Variants in LRBA observed in about 807,000 individuals in gnomAD.
LRBA encodes the protein lipopolysaccharide-responsive and beige-like anchor protein.
A neutral mutation model predicts 330.0 loss-of-function variants in LRBA; 176 were observed. The ratio of observed to expected loss-of-function variants is 0.53; its 90% CI spans 0.47 to 0.60. The LOEUF is 0.60. LRBA is among the 20% of genes least tolerant of loss of function. LRBA has a pLI of 0.00. For missense variants in LRBA, 3,259 were observed against 3,444.8 expected (o/e 0.95, Z 1.35); for synonymous variants, 1,230 against 1,193.0 (o/e 1.03, Z -0.64).
chr4:150,516,778 T>C (rs1181998170), intron 40 of LRBA, among the ~76,000 whole-genome samples: 1 of 152,178 alleles, frequency 6.6e-6, no homozygotes, highest in Non-Finnish European at 1.5e-5. Context: ...GGTAGAAGCA[T>C]GAAATGTAAA....
At chr4:150,767,593 A>T (rs554662255) in intron 34 of LRBA, among the ~76,000 whole-genome samples, 118 of 151,636 alleles carry the variant, frequency 7.8e-4, no homozygotes, top group Non-Finnish European at 1.4e-3. Flanking sequence ...TCCCATCTCT[A>T]CTAAAAATAC....
chr4:150,310,040 A>G (rs1186050662), intron 52 of LRBA, among the ~76,000 whole-genome samples, 189 bp downstream of exon 52: 1 of 152,170 alleles, frequency 6.6e-6, no homozygotes, highest in Non-Finnish European at 1.5e-5. Context: ...AACATGCTGT[A>G]GCAAATTTAA....
chr4:150,648,101 G>A (rs1779332068), intron 37 of LRBA, among the ~76,000 whole-genome samples: 3 of 133,348 alleles, frequency 2.2e-5, no homozygotes, highest in Non-Finnish European at 4.7e-5. Flanking sequence ...CAACATTTAT[G>A]AGCTAGGAGA....
chr4:150,325,661 C>T (rs748795446), intron 49 of LRBA, 148 bp downstream of exon 49: 31 of 617,930 alleles, frequency 5.0e-5, no homozygotes, highest in Non-Finnish European at 6.7e-5. Context: ...GCAATAACAT[C>T]TGCTGGTTGT....
chr4:150,739,710 T>G (rs1460571464), intron 35 of LRBA, among the ~76,000 whole-genome samples: 1 of 152,196 alleles, frequency 6.6e-6, no homozygotes, highest in East Asian at 1.9e-4. Context: ...TAAAGAAAGC[T>G]GTCATGTTAT....
intron 37 of LRBA, among the ~76,000 whole-genome samples, chr4:150,625,732 C>G (rs1776787293): frequency 6.7e-6 from 1 of 148,650 alleles, no homozygotes. Flanking sequence ...TTTTTTGAGA[C>G]AGTTTCGCTC....
chr4:150,406,518 G>A (rs1746212338), intron 47 of LRBA, among the ~76,000 whole-genome samples: 1 of 152,156 alleles, frequency 6.6e-6, no homozygotes, highest in Non-Finnish European at 1.5e-5. Flanking sequence ...GGTATACCAT[G>A]CAAACAGTTA....
chr4:150,419,554 G>A (rs1219975611), intron 46 of LRBA, among the ~76,000 whole-genome samples: 3 of 149,104 alleles, frequency 2.0e-5, no homozygotes, highest in South Asian at 2.2e-4. Context: ...GATATTTCTT[G>A]TACACTTGAG....
rs552562844 is a variant in LRBA at position 150,663,606 on chromosome 4, A to G, written c.5921+19945T>C. 4.8e-4 allele frequency among the ~76,000 whole-genome samples: 73 copies of G among 152,172 alleles called. 2 individuals carry two copies. The South Asian group carries it at 0.014, about 29-fold the overall frequency. The stretch of plus-strand genomic sequence containing the variant: ...GTACAAAAGACATCCATGGAATCTC[A>G]TATCAATGTTCCTTCTTTTATTCAG... On this transcript the variant is annotated intron_variant, in intron 37 of 56. Transcript: ENST00000651943.
At chr4:150,576,273 T>C (rs1159282910) in intron 40 of LRBA, among the ~76,000 whole-genome samples, 1 of 151,666 alleles carries the variant, frequency 6.6e-6, no homozygotes, top group Non-Finnish European at 1.5e-5. Flanking sequence ...TGCTTAACTA[T>C]GTATGTAAAT....
intron 48 of LRBA, among the ~76,000 whole-genome samples, chr4:150,343,349 T>C (rs764830042): frequency 6.6e-6 from 1 of 152,266 alleles, no homozygotes; most frequent in Non-Finnish European, 1.5e-5. Flanking sequence ...ATTTTCTTTA[T>C]AGCACTTGTT....
chr4:150,702,306 T>C (rs1165559613), intron 36 of LRBA, among the ~76,000 whole-genome samples: 1 of 152,116 alleles, frequency 6.6e-6, no homozygotes, highest in Non-Finnish European at 1.5e-5. Flanking sequence ...TTTACACAGC[T>C]CAAGACATTT....
At chr4:150,991,040 G>A (rs1742015008) in intron 2 of LRBA, among the ~76,000 whole-genome samples, 1 of 140,560 alleles carries the variant, frequency 7.1e-6, no homozygotes, top group Non-Finnish European at 1.5e-5. Flanking sequence ...GTGACAAAGT[G>A]AGACTCTGTC....
chr4:150,535,100 A>G (rs1764503754), intron 40 of LRBA, among the ~76,000 whole-genome samples: 1 of 151,990 alleles, frequency 6.6e-6, no homozygotes, highest in Non-Finnish European at 1.5e-5. Context: ...TACAATCCTG[A>G]GCCTTCTCCT....
chr4:150,631,443 T>C (rs753376726), intron 37 of LRBA, among the ~76,000 whole-genome samples: 1 of 152,176 alleles, frequency 6.6e-6, no homozygotes, highest in Non-Finnish European at 1.5e-5. Context: ...TGTTAAGTTA[T>C]ATAGGAAAAA....
At chr4:150,579,375 G>C (rs1055794275) in intron 40 of LRBA, 1 of 454,516 alleles carries the variant, frequency 2.2e-6, no homozygotes, top group African/African-American at 2.0e-5. Context: ...GGTGGGGGAG[G>C]GGGGAGAAAG....
chr4:150,827,793 G>A (rs1472699279), intron 30 of LRBA, among the ~76,000 whole-genome samples: 1 of 151,728 alleles, frequency 6.6e-6, no homozygotes, highest in Non-Finnish European at 1.5e-5. Flanking sequence ...GTAGAGACTG[G>A]GTTTCACCAT....
intron 34 of LRBA, among the ~76,000 whole-genome samples, chr4:150,765,936 G>A (rs780583458): frequency 1.4e-4 from 22 of 151,940 alleles, no homozygotes; most frequent in Non-Finnish European, 2.8e-4. Context: ...CTAAAAATTT[G>A]TAATCTAAAC....
At chr4:150,296,599 G>A (rs900152670) in intron 53 of LRBA, among the ~76,000 whole-genome samples, 7 of 152,026 alleles carry the variant, frequency 4.6e-5, no homozygotes, top group East Asian at 1.9e-4. Context: ...TCTGTAAAGC[G>A]ATATAAATGA....
Sources: allele counts gnomAD v4.1 joint callset (sites outside exome capture counted in the v4.1 genomes callset), GRCh38; gene constraint gnomAD v4.1.1; transcripts MANE v1.5; gene names NCBI Gene and HGNC (gene_info 2026-07-23, HGNC 2026-07-21).